CNTNAP4: variants seen among roughly 807,000 people sequenced by gnomAD.
The protein encoded by CNTNAP4 is contactin-associated protein-like 4.
CNTNAP4 carries 98 observed loss-of-function variants against 148.4 expected under a neutral mutation model. The ratio of observed to expected loss-of-function variants is 0.66; its 90% CI spans 0.56 to 0.78. The LOEUF (loss-of-function observed/expected upper bound fraction) is 0.78. CNTNAP4 is among the 30% of genes least tolerant of loss of function. CNTNAP4 has a pLI of 0.00. For missense variants in CNTNAP4, 1,935 were observed against 1,565.6 expected, an observed-to-expected ratio of 1.24 and a Z score of -3.98; for synonymous variants, 730 against 565.1, an observed-to-expected ratio of 1.29 and a Z score of -4.14.
intron 17 of CNTNAP4, among the ~76,000 whole-genome samples, chr16:76,528,510 C>A (rs903132386): frequency 2.0e-5 from 3 of 152,120 alleles, no homozygotes; most frequent in African/African-American, 4.8e-5. Context: ...AAAGATCCAC[C>A]CGCCTTGGCC....
intron 3 of CNTNAP4, among the ~76,000 whole-genome samples, chr16:76,414,220 C>A (rs2078900899): frequency 6.6e-6 from 1 of 151,232 alleles, no homozygotes; most frequent in African/African-American, 2.4e-5. Context: ...TAGACATTGC[C>A]TGCTGGGCTA....
At chr16:76,408,637 A>G (rs73615766) in intron 3 of CNTNAP4, among the ~76,000 whole-genome samples, 2,905 of 152,150 alleles carry the variant, frequency 0.019, 78 homozygotes, top group African/African-American at 0.067. Context: ...TTAAGATTCT[A>G]TTTTCTTAAA....
rs961063694 is a variant in CNTNAP4, at chr16:76,538,086, TAAC to T, written c.2996-27_2996-25del. ...ACAAAATCCTTGTACTTAAAATTTT[TAAC>T]AAAAATATATATATATATTATTTCA... On this transcript the variant is annotated intron_variant, in intron 18 of 23. Coordinates refer to ENST00000611870, the MANE Select transcript of CNTNAP4 (RefSeq NM_033401.5). The T allele has an allele frequency of 5.8e-6, 6 of 1,026,186 alleles. No homozygotes were observed. The Admixed American group carries it at 2.3e-4, about 40-fold the overall frequency. The allele number at this position is 1,026,186 out of a possible 1,614,324, so 63.6% of individuals were successfully genotyped here. A position where few individuals can be genotyped will look rare whatever the true frequency, so the allele number is the denominator to read the frequency against.
chr16:76,429,038 C>T lies in CNTNAP4; in HGVS notation c.538+1439C>T, dbSNP rs2079521843. On this transcript the variant is annotated intron_variant, in intron 4 of 23. Transcript: ENST00000611870. ...AGAAAGCAAGCTTATATTGACATTT[C>T]CTCTAGTTGTTGAATAACAGAGATG... is the stretch of plus-strand genomic sequence containing the variant. Among the ~76,000 whole-genome samples the T allele has an allele frequency of 2.0e-5, 3 of 152,198 alleles. No individual in the cohort carries two copies. In the South Asian group the frequency reaches 6.2e-4, roughly 32 times the overall value.
At chr16:76,292,221 T>C (rs1267267054) in intron 1 of CNTNAP4, among the ~76,000 whole-genome samples, 1 of 152,200 alleles carries the variant, frequency 6.6e-6, no homozygotes, top group African/African-American at 2.4e-5. Flanking sequence ...CACATTTCTT[T>C]TGGAAGGAGA....
At chr16:76,417,300 T>G (rs1359811921) in intron 3 of CNTNAP4, among the ~76,000 whole-genome samples, 1 of 151,482 alleles carries the variant, frequency 6.6e-6, no homozygotes, top group Non-Finnish European at 1.5e-5. Context: ...TTTAAGTTCC[T>G]TATCTGATTT....
At chr16:76,522,757 TTTTCTTTTCTTTTCTTTTC>T (rs749950604) in intron 17 of CNTNAP4, among the ~76,000 whole-genome samples, 2,657 of 108,862 alleles carry the variant, frequency 0.024, 226 homozygotes, top group Non-Finnish European at 0.034. Context: ...TTTTCTTTTC[TTTTCTTTTCTTTTCTTTTC>T]TTTCTTGACA....
intron 13 of CNTNAP4, among the ~76,000 whole-genome samples, chr16:76,493,721 T>G (rs1383854439): frequency 2.0e-5 from 3 of 152,190 alleles, no homozygotes; most frequent in Non-Finnish European, 4.4e-5. Flanking sequence ...ATCATGTAAT[T>G]AAAAAAAGAC....
intron 14 of CNTNAP4, among the ~76,000 whole-genome samples, chr16:76,497,753 T>C (rs1220367425): frequency 2.0e-5 from 3 of 152,104 alleles, no homozygotes; most frequent in Non-Finnish European, 4.4e-5. Flanking sequence ...GATGATGGGT[T>C]GATGGGTGCA....
intron 13 of CNTNAP4, among the ~76,000 whole-genome samples, chr16:76,492,198 A>G (rs368811040): frequency 2.6e-5 from 4 of 152,210 alleles, no homozygotes; most frequent in Non-Finnish European, 2.9e-5. Context: ...AATGATTACT[A>G]TAGTTAACAA....
chr16:76,339,689 A>C (rs1287331975), intron 2 of CNTNAP4, among the ~76,000 whole-genome samples: 1 of 152,238 alleles, frequency 6.6e-6, no homozygotes, highest in Non-Finnish European at 1.5e-5. Context: ...AAGTTATCTC[A>C]GAATCTATCT....
intron 3 of CNTNAP4, among the ~76,000 whole-genome samples, chr16:76,417,688 A>G (rs1185322347): frequency 6.6e-6 from 1 of 151,658 alleles, no homozygotes; most frequent in Non-Finnish European, 1.5e-5. Flanking sequence ...TTTCTTCTTT[A>G]ATGATCTTCC....
In CNTNAP4 at chr16:76,540,713, A is replaced by G. The variant is rs1459672338; in HGVS notation, c.3365A>G (p.Asn1122Ser). ...GTAATAATTTTGTAGATTGACGATAATAGAAGGAGACAAGTTCACCTGTCA... is the reference window on the plus strand; with the variant it reads ...GTAATAATTTTGTAGATTGACGATAGTAGAAGGAGACAAGTTCACCTGTCA... ...EGVVFIEIDDNRRRQVHLSSG... is the reference protein window; with the variant it reads ...EGVVFIEIDDSRRRQVHLSSG... Residue 1122 changes from asparagine to serine, a missense_variant, in exon 21 of 24, where the codon AAT becomes AGT. By Grantham distance (46) the Asn-to-Ser change is conservative. Coordinates refer to ENST00000611870, the MANE Select transcript of CNTNAP4 (RefSeq NM_033401.5). The G allele has an allele frequency of 6.4e-7, 1 of 1,566,934 alleles. No homozygotes were observed.
chr16:76,493,557 A>T (rs180698721), intron 13 of CNTNAP4, among the ~76,000 whole-genome samples: 1 of 152,092 alleles, frequency 6.6e-6, no homozygotes, highest in African/African-American at 2.4e-5. Flanking sequence ...TCTATTTTAT[A>T]GGGAAGACAT....
At chr16:76,488,839 G>C (rs2082114883) in intron 12 of CNTNAP4, among the ~76,000 whole-genome samples, 1 of 152,164 alleles carries the variant, frequency 6.6e-6, no homozygotes, top group Non-Finnish European at 1.5e-5. Context: ...CAAACATTGT[G>C]AGATTTTTAT....
chr16:76,367,051 T>A (rs35271016), intron 3 of CNTNAP4, among the ~76,000 whole-genome samples: 67,363 of 151,416 alleles, frequency 0.44, 15,266 homozygotes, highest in Admixed American at 0.53. Context: ...AAAAATTTAT[T>A]AATATATATT....
At chr16:76,424,802 A>G (rs1267646962) in intron 3 of CNTNAP4, among the ~76,000 whole-genome samples, 1 of 152,024 alleles carries the variant, frequency 6.6e-6, no homozygotes, top group African/African-American at 2.4e-5. Flanking sequence ...TTACACATAC[A>G]CACACCCAAA....
chr16:76,324,511 G>T (rs1333836926), intron 2 of CNTNAP4, among the ~76,000 whole-genome samples: 1 of 152,114 alleles, frequency 6.6e-6, no homozygotes, highest in Admixed American at 6.5e-5. Flanking sequence ...GCAGGTTAAG[G>T]AAGAAGAAAC....
At chr16:76,499,180 G>C (rs776856344) in intron 15 of CNTNAP4, among the ~76,000 whole-genome samples, 3 of 149,490 alleles carry the variant, frequency 2.0e-5, no homozygotes, top group Non-Finnish European at 4.4e-5. Flanking sequence ...CCATTCTCCT[G>C]CCTCAGCCTC....
Sources: gnomAD v4.1 joint callset for allele counts (sites outside exome capture counted in the v4.1 genomes callset) on GRCh38, gnomAD v4.1.1 for gene constraint, MANE v1.5 for transcripts, NCBI Gene and HGNC (gene_info 2026-07-23, HGNC 2026-07-21) for gene names.